Variants in GRID2IP observed in about 807,000 individuals in gnomAD.
The protein encoded by GRID2IP is Grid2 interacting protein.
GRID2IP carries 78 observed loss-of-function variants against 114.3 expected under a neutral mutation model. The observed-to-expected ratio is 0.68, with a 90% CI of 0.57 to 0.82. The LOEUF is 0.82. Ranked by LOEUF, GRID2IP falls within the 40% of genes least tolerant of loss-of-function variation. The probability of loss-of-function intolerance (pLI) is 0.00; values close to 1 mark genes in which losing one functional copy is unlikely to be tolerated. For missense variants in GRID2IP, 1,727 were observed against 1,678.5 expected (o/e 1.03, Z -0.51); for synonymous variants, 809 against 724.0 (o/e 1.12, Z -1.89).
rs972331970 is a variant in GRID2IP at position 6,528,258 on chromosome 7, C to A, written c.585-1489G>T. On this transcript the variant is annotated intron_variant, in intron 2 of 21. Transcript: ENST00000457091. The surrounding 1 kb of genome is among the most constrained non-coding windows in gnomAD (Gnocchi z 6.0). ...CCTGAGCCACAGTGACTAGCCAGGG[C>A]TCAGCACATAGGAGAGACTCAGTCA... Among the ~76,000 whole-genome samples, 6 of 152,132 alleles carry A rather than the reference C, an allele frequency of 3.9e-5. No homozygotes were observed. Among genetic ancestry groups the A allele is most frequent in the African/African-American group, 1.4e-4 (6 of 41,424 alleles).
intron 1 of GRID2IP, among the ~76,000 whole-genome samples, chr7:6,548,291 T>A (rs1335017575): frequency 6.6e-6 from 1 of 151,864 alleles, no homozygotes; most frequent in Non-Finnish European, 1.5e-5. Context: ...AGGCGGAGGT[T>A]GCAGTGAGCC....
chr7:6,530,701 G>A (rs1562522068), intron 2 of GRID2IP, among the ~76,000 whole-genome samples: 1 of 152,214 alleles, frequency 6.6e-6, no homozygotes, highest in Non-Finnish European at 1.5e-5. Flanking sequence ...AACTCAGGAC[G>A]AGATGCCCCC....
At chr7:6,512,870 T>G (rs1779205581) in intron 8 of GRID2IP, among the ~76,000 whole-genome samples, 1 of 150,654 alleles carries the variant, frequency 6.6e-6, no homozygotes, top group Admixed American at 6.6e-5. Context: ...TTGCCCAAGC[T>G]GGACTTGGAA....
chr7:6,498,255 C>A, intron 20 of GRID2IP, 27 bp from the exon 21 acceptor site: 2 of 1,516,240 alleles, frequency 1.3e-6, no homozygotes, highest in Non-Finnish European at 1.8e-6. Context: ...AAGGAAACAG[C>A]CAGCCCGCTT....
At position 6,551,118 on chromosome 7, in the gene GRID2IP, A is replaced by G; in HGVS notation, c.319T>C (p.Cys107Arg). ...APTTVLRAPR[C>R]GRGLALGREL... ...CGGCCCAGAGCTAGGCCGCGGCCGCACCGCGGGGCCCGCAAGACTGTGGTC... is the reference window on the plus strand; with the variant it reads ...CGGCCCAGAGCTAGGCCGCGGCCGCGCCGCGGGGCCCGCAAGACTGTGGTC... The change falls in exon 1 of 22, where the codon TGC (cysteine) becomes CGC (arginine). Residue 107 changes from cysteine (C) to arginine (R), a missense_variant. Cys to Arg is a radical substitution (Grantham distance 180). Transcript: ENST00000457091. 7.7e-7 allele frequency: 1 copy of G among 1,295,862 alleles called. No individual in the cohort carries two copies. Among genetic ancestry groups the G allele is most frequent in the Non-Finnish European group, 9.7e-7 (1 of 1,025,942 alleles). The allele number at this position is 1,295,862 out of a possible 1,614,324, so 80.3% of individuals were successfully genotyped here. A position where few individuals can be genotyped will look rare whatever the true frequency, so the allele number is the denominator to read the frequency against.
In GRID2IP at chr7:6,526,612, C is replaced by T; in HGVS notation, c.742G>A (p.Ala248Thr). The change falls in exon 3 of 22, where the codon GCC (alanine) becomes ACC (threonine). Residue 248 changes from alanine to threonine, a missense_variant. Physicochemically the swap from Ala to Thr is moderately conservative, Grantham distance 58 (BLOSUM62 0). Coordinates refer to ENST00000457091, the MANE Select transcript of GRID2IP (RefSeq NM_001145118.2). The surrounding 1 kb of genome is among the most constrained non-coding windows in gnomAD (Gnocchi z 7.6). ...RPERLLVSTR[A>T]SAPPRRPDEP... ...TCGGGGCGGCGCGGCGGGGCGCTGG[C>T]GCGCGTGGACACCAGGAGGCGCTCC... 1 of 1,203,618 alleles carries T rather than the reference C, an allele frequency of 8.3e-7. No individual in the cohort carries two copies. The highest frequency in any genetic ancestry group is 1.0e-6 in the Non-Finnish European group (1 of 970,172). 74.6% of individuals were successfully genotyped at this position (1,203,618 alleles called of 1,614,324 possible).
At chr7:6,499,602 T>C (rs1786357467) in intron 20 of GRID2IP, among the ~76,000 whole-genome samples, 1 of 151,738 alleles carries the variant, frequency 6.6e-6, no homozygotes, top group Non-Finnish European at 1.5e-5. Flanking sequence ...GGCTAATTTT[T>C]GTATGTCTAG....
intron 8 of GRID2IP, among the ~76,000 whole-genome samples, chr7:6,512,959 G>A (rs144978043): frequency 3.3e-5 from 5 of 152,220 alleles, no homozygotes; most frequent in Non-Finnish European, 5.9e-5. Flanking sequence ...CACCTGCAGC[G>A]GCTTTCATAG....
At chr7:6,541,598 C>T (rs1217872285) in intron 1 of GRID2IP, among the ~76,000 whole-genome samples, 2 of 152,002 alleles carry the variant, frequency 1.3e-5, no homozygotes, top group African/African-American at 2.4e-5. Flanking sequence ...ACGTTGGAAA[C>T]GTGTGCAAAT....
rs1362588627 is a variant in GRID2IP, at chr7:6,536,285, T to C, written c.584+3433A>G. Among the ~76,000 whole-genome samples the C allele has an allele frequency of 6.6e-5, 10 of 152,196 alleles. No individual in the cohort carries two copies. Among genetic ancestry groups the C allele is most frequent in the Admixed American group, 6.5e-4 (10 of 15,284 alleles). Reference sequence around the variant, plus strand: ...CCCTTCCTCCAGCAGCCTCCCCAGTTTTCCTGGCGCACTTGACACGCGCTT... The same window carrying C: ...CCCTTCCTCCAGCAGCCTCCCCAGTCTTCCTGGCGCACTTGACACGCGCTT... On this transcript the variant is annotated intron_variant, in intron 2 of 21. Coordinates refer to ENST00000457091, the MANE Select transcript of GRID2IP (RefSeq NM_001145118.2). This position sits in a 1 kb window ranked among gnomAD's most constrained non-coding sequence, Gnocchi z 5.3.
chr7:6,504,993 C>T lies in GRID2IP; in HGVS notation c.2633-123G>A, dbSNP rs1192810221. 25 of 755,828 alleles carry T rather than the reference C, an allele frequency of 3.3e-5. No individual in the cohort carries two copies. In the East Asian group the frequency reaches 6.7e-4, roughly 20 times the overall value. 46.8% of individuals were successfully genotyped at this position (755,828 alleles called of 1,614,324 possible). On this transcript the variant is annotated intron_variant, in intron 14 of 21. Transcript: ENST00000457091. The stretch of plus-strand genomic sequence containing the variant: ...CTAAGCACGACCTCGACTTAATCAG[C>T]TACACGTCCATAGTCCCTTCATTCC...
Position 6,506,679 on chromosome 7 carries a change from GTATTTTTTT to G in GRID2IP, c.2545-781_2545-773del, listed in dbSNP as rs1197359630. ...TTATTTGTGCCCTTGTCTCACTGAG[GTATTTTTTT>G]TTTTTTTTTTTTAGATAGGGTCTCA... On this transcript the variant is annotated intron_variant, in intron 13 of 21. Transcript: ENST00000457091. This position sits in a 1 kb window ranked among gnomAD's most constrained non-coding sequence, Gnocchi z 5.2. Among the ~76,000 whole-genome samples the G allele has an allele frequency of 7.9e-6, 1 of 127,294 alleles. No individual in the cohort carries two copies. The highest frequency in any genetic ancestry group is 1.7e-5 in the Non-Finnish European group (1 of 59,154). The allele number at this position is 127,294 out of a possible 152,430, so 83.5% of individuals were successfully genotyped here. A position where few individuals can be genotyped will look rare whatever the true frequency, so the allele number is the denominator to read the frequency against.
chr7:6,547,084 G>T (rs1266446039), intron 1 of GRID2IP, among the ~76,000 whole-genome samples: 1 of 152,134 alleles, frequency 6.6e-6, no homozygotes, highest in Non-Finnish European at 1.5e-5. Flanking sequence ...AATTTTCCAA[G>T]CTCTCTTCCT....
chr7:6,514,197 G>A (rs188517966), intron 8 of GRID2IP, among the ~76,000 whole-genome samples, 178 bp downstream of exon 8: 2 of 152,272 alleles, frequency 1.3e-5, no homozygotes, highest in East Asian at 3.9e-4. Flanking sequence ...AGGTTGCAGT[G>A]AGCCAAGATC....
intron 4 of GRID2IP, among the ~76,000 whole-genome samples, chr7:6,522,233 G>C (rs555924432): frequency 6.6e-6 from 1 of 152,146 alleles, no homozygotes; most frequent in African/African-American, 2.4e-5. Context: ...GCAGAGGAGA[G>C]TCAAATCAGG....
intron 2 of GRID2IP, among the ~76,000 whole-genome samples, chr7:6,533,127 G>C (rs1478698831): frequency 6.6e-6 from 1 of 152,166 alleles, no homozygotes; most frequent in East Asian, 1.9e-4. Context: ...ACTGACAGGG[G>C]TTGTGCTACT....
chr7:6,544,208 C>A (rs1480244936), intron 1 of GRID2IP, among the ~76,000 whole-genome samples: 1 of 152,132 alleles, frequency 6.6e-6, no homozygotes. Context: ...TTGTTCATGG[C>A]TGTTTCCCCT....
chr7:6,520,485 G>A lies in GRID2IP; in HGVS notation c.1268+93C>T. The A allele has an allele frequency of 7.4e-7, 1 of 1,351,696 alleles. No homozygotes were observed. Among genetic ancestry groups the A allele is most frequent in the Non-Finnish European group, 1.0e-6 (1 of 996,792 alleles). The allele number at this position is 1,351,696 out of a possible 1,614,324, so 83.7% of individuals were successfully genotyped here. A position where few individuals can be genotyped will look rare whatever the true frequency, so the allele number is the denominator to read the frequency against. On this transcript the variant is annotated intron_variant, in intron 7 of 21. Transcript: ENST00000457091. This position sits in a 1 kb window ranked among gnomAD's most constrained non-coding sequence, Gnocchi z 4.6. ...GAGCATCCCCCAGGAGAACGGGACT[G>A]AGGAGGTTCAGGCAGGGAGACTGGG...
rs1235297378 is a variant in GRID2IP at position 6,509,332 on chromosome 7, A to G, written c.1772-19T>C. The stretch of plus-strand genomic sequence containing the variant: ...CTGGGCCCTGGAGGAGGGATGGAGT[A>G]TGAGGATTCCTCTTCAGCCAGCACC... On this transcript the variant is annotated intron_variant, in intron 11 of 21. Transcript: ENST00000457091. This position sits in a 1 kb window ranked among gnomAD's most constrained non-coding sequence, Gnocchi z 4.9. The G allele has an allele frequency of 2.0e-6, 3 of 1,475,950 alleles. No homozygotes were observed. In the African/African-American group the frequency reaches 4.3e-5, roughly 21 times the overall value. The allele number at this position is 1,475,950 out of a possible 1,614,324, so 91.4% of individuals were successfully genotyped here. A position where few individuals can be genotyped will look rare whatever the true frequency, so the allele number is the denominator to read the frequency against.
Sources: allele counts gnomAD v4.1 joint callset (sites outside exome capture counted in the v4.1 genomes callset), GRCh38; gene constraint gnomAD v4.1.1; non-coding constraint Gnocchi (gnomAD v3.1); transcripts MANE v1.5; gene names NCBI Gene and HGNC (gene_info 2026-07-23, HGNC 2026-07-21).